DDX43: variants seen among roughly 807,000 people sequenced by gnomAD.
The protein encoded by DDX43 is DEAD-box helicase 43.
Under a neutral mutation model 84.9 loss-of-function variants are expected in DDX43, and 50 were observed. The observed-to-expected ratio is 0.59, with a 90% CI of 0.47 to 0.75. The LOEUF (loss-of-function observed/expected upper bound fraction) is 0.75. Among genes scored for constraint, DDX43 ranks in the 30% least tolerant of loss-of-function variants. The probability of loss-of-function intolerance (pLI) is 0.00; values close to 1 mark genes in which losing one functional copy is unlikely to be tolerated. For synonymous variants in DDX43, 291 were observed against 266.3 expected, an observed-to-expected ratio of 1.09 and a Z score of -0.90; for missense variants, 689 against 798.6, an observed-to-expected ratio of 0.86 and a Z score of 1.65.
chr6:73,414,939 A>G (rs1462816954), intron 14 of DDX43, among the ~76,000 whole-genome samples: 1 of 152,002 alleles, frequency 6.6e-6, no homozygotes, highest in Non-Finnish European at 1.5e-5. Context: ...CTCTGTACCC[A>G]GTGGTTACTC....
In DDX43 at chr6:73,395,963, T is replaced by G. The variant is rs142052474; in HGVS notation, c.250+808T>G. Among the ~76,000 whole-genome samples, 479 of 152,088 alleles carry G rather than the reference T, an allele frequency of 3.1e-3. 2 individuals carry two copies. Among genetic ancestry groups the G allele is most frequent in the African/African-American group, 0.011 (457 of 41,546 alleles). The stretch of plus-strand genomic sequence containing the variant: ...AATTCTGAATTTTTAATTTTTTTCT[T>G]TCTTTTGATTTTTTTTTTTTTTGAG... On this transcript the variant is annotated intron_variant, in intron 1 of 16. Coordinates refer to ENST00000370336, the MANE Select transcript of DDX43 (RefSeq NM_018665.3).
intron 4 of DDX43, among the ~76,000 whole-genome samples, chr6:73,404,385 G>T (rs570948758): frequency 1.2e-4 from 18 of 152,170 alleles, no homozygotes; most frequent in South Asian, 6.2e-4. Flanking sequence ...GAGCCACTGC[G>T]CCTGGCCACC....
At chr6:73,400,481 C>T in intron 3 of DDX43, 118 bp downstream of exon 3, 2 of 943,048 alleles carry the variant, frequency 2.1e-6, no homozygotes, top group Non-Finnish European at 2.9e-6. Context: ...TAAATGCAGT[C>T]TTAATGATTT....
At position 73,394,919 on chromosome 6, in the gene DDX43, G is replaced by C. The variant is rs776821666; in HGVS notation, c.14G>C (p.Gly5Ala). ...CTTCTTGGAACAATGTCCCACCACG[G>C]AGGAGCTCCCAAGGCCTCTACGTGG... MSHHGGAPKASTWVV... is the reference protein window; with the variant it reads MSHHAGAPKASTWVV... Residue 5 changes from glycine (G) to alanine (A), a missense_variant, in exon 1 of 17, where the codon GGA becomes GCA. Physicochemically the swap from Gly to Ala is moderately conservative, Grantham distance 60 (BLOSUM62 0). This residue lies in a region of DDX43 where 137 missense variants were observed against 105.9 expected (regional missense o/e 1.29). Transcript: ENST00000370336. The C allele has an allele frequency of 6.2e-7, 1 of 1,614,228 alleles. No individual in the cohort carries two copies. The highest frequency in any genetic ancestry group is 1.1e-5 in the South Asian group (1 of 91,088).
chr6:73,410,989 A>T (rs1769774679), intron 10 of DDX43, among the ~76,000 whole-genome samples: 1 of 151,900 alleles, frequency 6.6e-6, no homozygotes, highest in Non-Finnish European at 1.5e-5. Flanking sequence ...GATCGAGACC[A>T]TCCTGGCTAA....
At chr6:73,403,382 A>G (rs368651330) in intron 4 of DDX43, among the ~76,000 whole-genome samples, 2 of 152,200 alleles carry the variant, frequency 1.3e-5, no homozygotes, top group African/African-American at 4.8e-5. Context: ...AGGCAGGAGA[A>G]TCGCTTGACC....
chr6:73,415,790 A>G (rs1243679777), intron 15 of DDX43, among the ~76,000 whole-genome samples: 3 of 152,202 alleles, frequency 2.0e-5, no homozygotes, highest in Non-Finnish European at 4.4e-5. Flanking sequence ...AGCCCCGCCA[A>G]GGAAGAAATA....
At chr6:73,411,793 G>T (rs1417336606) in intron 10 of DDX43, among the ~76,000 whole-genome samples, 1 of 151,768 alleles carries the variant, frequency 6.6e-6, no homozygotes, top group Non-Finnish European at 1.5e-5. Context: ...CGCCTCCTGG[G>T]CTCAAGCCAT....
intron 1 of DDX43, 57 bp downstream of exon 1, chr6:73,395,212 G>A (rs1182264024): frequency 1.4e-5 from 21 of 1,524,120 alleles, no homozygotes; most frequent in Middle Eastern, 4.0e-4. Flanking sequence ...CGGAGCCTGG[G>A]CGAAGGCATT....
chr6:73,395,795 A>G (rs1769460034), intron 1 of DDX43, among the ~76,000 whole-genome samples: 2 of 152,110 alleles, frequency 1.3e-5, no homozygotes, highest in South Asian at 2.1e-4. Context: ...CAGTCTTTCT[A>G]TGAGTACCAT....
At chr6:73,404,591 G>A in intron 4 of DDX43, 99 bp from the exon 5 acceptor site, 2 of 934,826 alleles carry the variant, frequency 2.1e-6, no homozygotes, top group Non-Finnish European at 3.4e-6. Flanking sequence ...TGGTATGCAT[G>A]GTAAATAAAA....
At chr6:73,402,945 A>T (rs911564888) in intron 4 of DDX43, among the ~76,000 whole-genome samples, 3 of 152,202 alleles carry the variant, frequency 2.0e-5, no homozygotes, top group Non-Finnish European at 4.4e-5. Context: ...ATGCTTCATT[A>T]TTCAAGCACT....
rs1195952362 is a variant in DDX43 at position 73,412,666 on chromosome 6, TGTGCGC to T, written c.1368+376_1368+381del. On this transcript the variant is annotated intron_variant, in intron 11 of 16. Coordinates refer to ENST00000370336, the MANE Select transcript of DDX43 (RefSeq NM_018665.3). ...GTGTGTGTGTGTGTGTGTGTGTGTG[TGTGCGC>T]GCGCGCGTGTGTGTGTGTGCGCGTG... Among the ~76,000 whole-genome samples, 652 of 84,308 alleles carry T rather than the reference TGTGCGC, an allele frequency of 7.7e-3. 27 individuals are homozygous for T. The highest frequency in any genetic ancestry group is 0.03 in the African/African-American group (602 of 20,268). The allele number at this position is 84,308 out of a possible 152,430, so 55.3% of individuals were successfully genotyped here.
At chr6:73,396,625 C>T (rs1475819321) in intron 1 of DDX43, among the ~76,000 whole-genome samples, 1 of 151,996 alleles carries the variant, frequency 6.6e-6, no homozygotes, top group African/African-American at 2.4e-5. Context: ...AATGAAATAC[C>T]CTCTTTTAAA....
intron 1 of DDX43, among the ~76,000 whole-genome samples, chr6:73,396,580 A>G (rs1327535773): frequency 6.6e-6 from 1 of 152,218 alleles, no homozygotes; most frequent in Non-Finnish European, 1.5e-5. Flanking sequence ...CACTCACTTG[A>G]TGTTGGATCT....
chr6:73,399,425 C>A (rs751998100), intron 2 of DDX43, among the ~76,000 whole-genome samples: 1 of 152,140 alleles, frequency 6.6e-6, no homozygotes, highest in Non-Finnish European at 1.5e-5. Flanking sequence ...TCCTGACATA[C>A]GCTGCTACCA....
At chr6:73,396,952 A>T (rs892043659) in intron 1 of DDX43, among the ~76,000 whole-genome samples, 8 of 152,170 alleles carry the variant, frequency 5.3e-5, no homozygotes, top group Non-Finnish European at 1.0e-4. Flanking sequence ...ACCTTACTTT[A>T]TCTATTAATC....
intron 10 of DDX43, 80 bp downstream of exon 10, chr6:73,409,428 A>G: frequency 8.9e-7 from 1 of 1,126,892 alleles, no homozygotes; most frequent in Non-Finnish European, 1.3e-6. Context: ...TTCCCACAAT[A>G]TTTGAGCATT....
chr6:73,404,268 G>A (rs937400117), intron 4 of DDX43, among the ~76,000 whole-genome samples: 1 of 150,608 alleles, frequency 6.6e-6, no homozygotes, highest in Admixed American at 6.6e-5. Context: ...GTATTTTTTT[G>A]TTTTTAGTAG....
Sources: gnomAD v4.1 joint callset for allele counts (sites outside exome capture counted in the v4.1 genomes callset) on GRCh38, gnomAD v4.1.1 for gene constraint, gnomAD v4.1.1 regional missense constraint, MANE v1.5 for transcripts, NCBI Gene and HGNC (gene_info 2026-07-23, HGNC 2026-07-21) for gene names.